NOL4L: variants seen among roughly 807,000 people sequenced by gnomAD.
The protein encoded by NOL4L is nucleolar protein 4-like.
NOL4L carries 7 observed loss-of-function variants against 64.5 expected under a neutral mutation model. That is an observed-to-expected ratio of 0.11 (90% CI 0.06 to 0.20). The LOEUF is 0.20. Ranked by LOEUF, NOL4L falls within the 10% of genes least tolerant of loss-of-function variation. NOL4L has a pLI of 1.00. For synonymous variants in NOL4L, 413 were observed against 401.0 expected (o/e 1.03, Z -0.36); for missense variants, 680 against 967.1 (o/e 0.70, Z 3.94).
chr20:32,488,833 T>C lies in NOL4L; in HGVS notation c.700-14091A>G, dbSNP rs868419279. Among the ~76,000 whole-genome samples, 186 of 63,568 alleles carry C rather than the reference T, an allele frequency of 2.9e-3. 8 individuals carry two copies. Among genetic ancestry groups the C allele is most frequent in the African/African-American group, 7.0e-3 (63 of 8,986 alleles). 41.7% of individuals were successfully genotyped at this position (63,568 alleles called of 152,430 possible). A position where few individuals can be genotyped will look rare whatever the true frequency, so the allele number is the denominator to read the frequency against. On this transcript the variant is annotated intron_variant, in intron 4 of 10. Coordinates refer to ENST00000621426, the MANE Select transcript of NOL4L (RefSeq NM_001256798.2). ...TCTTTCTTTCTTTCTTTCTTTTTCT[T>C]TCTTTCTTTCTTTCTTTCTTTCTTT...
At position 32,474,671 on chromosome 20, in the gene NOL4L, C is replaced by T. The variant is rs1393901310; in HGVS notation, c.771G>A (p.Leu257=). Reference sequence around the variant, plus strand: ...CCTGGCTGGGGCTCAGGCTGGAGGCCAGGTGCGGGTCAGCTGACATCCATG... The same window carrying T: ...CCTGGCTGGGGCTCAGGCTGGAGGCTAGGTGCGGGTCAGCTGACATCCATG... The part of the protein sequence containing the change: ...DSTWMSADPH[L]ASSLSPSQDE... The change falls in exon 5 of 11, where the codon CTG becomes CTA. Residue 257 remains leucine (L), a synonymous_variant. Transcript: ENST00000621426. 1.9e-6 allele frequency: 3 copies of T among 1,613,860 alleles called. No individual in the cohort carries two copies. Among genetic ancestry groups the T allele is most frequent in the Non-Finnish European group, 2.5e-6 (3 of 1,179,998 alleles).
In NOL4L at chr20:32,446,875, T is replaced by C. The variant is rs930660767; in HGVS notation, c.*721A>G. The C allele has an allele frequency of 1.3e-5, 3 of 230,920 alleles. No individual in the cohort carries two copies. The highest frequency in any genetic ancestry group is 1.6e-4 in the East Asian group (1 of 6,266). The allele number at this position is 230,920 out of a possible 1,614,324, so 14.3% of individuals were successfully genotyped here. On this transcript the variant is annotated 3_prime_UTR_variant, in exon 11 of 11. Coordinates refer to ENST00000621426, the MANE Select transcript of NOL4L (RefSeq NM_001256798.2). ...GTGCCTCTTTTGTTTTGCTTTGCCATGGGTGTGGGTGAGGTCCTCCTGCTT... is the reference window on the plus strand; with the variant it reads ...GTGCCTCTTTTGTTTTGCTTTGCCACGGGTGTGGGTGAGGTCCTCCTGCTT...
intron 4 of NOL4L, among the ~76,000 whole-genome samples, chr20:32,506,623 T>G (rs917290534): frequency 6.6e-6 from 1 of 152,032 alleles, no homozygotes; most frequent in African/African-American, 2.4e-5. Flanking sequence ...ATCGCGCCAT[T>G]GCACTCCAGC....
At chr20:32,466,108 C>T (rs2014527296) in intron 5 of NOL4L, among the ~76,000 whole-genome samples, 1 of 151,784 alleles carries the variant, frequency 6.6e-6, no homozygotes, top group African/African-American at 2.4e-5. Flanking sequence ...GCTGGGATTA[C>T]AGGTGCCCAT....
intron 1 of NOL4L, among the ~76,000 whole-genome samples, chr20:32,544,752 G>T (rs1040630057): frequency 6.6e-6 from 1 of 152,166 alleles, no homozygotes; most frequent in East Asian, 1.9e-4. Context: ...CAATGGCAGA[G>T]ATAGATCCCA....
rs189648610 is a variant in NOL4L at position 32,550,063 on chromosome 20, G to T, written c.322-22150C>A. On this transcript the variant is annotated intron_variant, in intron 1 of 10. Transcript: ENST00000621426. ...TAACATGTGGTATGTCCATTCAATG[G>T]AATATTATCAGCAATAAAAAGGAAT... Among the ~76,000 whole-genome samples, 656 of 152,288 alleles carry T rather than the reference G, an allele frequency of 4.3e-3. 7 individuals carry two copies. Among genetic ancestry groups the T allele is most frequent in the African/African-American group, 0.015 (620 of 41,554 alleles).
At chr20:32,557,361 A>G (rs546150480) in intron 1 of NOL4L, among the ~76,000 whole-genome samples, 3 of 152,340 alleles carry the variant, frequency 2.0e-5, no homozygotes, top group Admixed American at 6.5e-5. Context: ...AACTTTCTCA[A>G]CATCTCCTTG....
In NOL4L at chr20:32,453,041, C is replaced by T. The variant is rs754485404; in HGVS notation, c.1498-35G>A. On this transcript the variant is annotated intron_variant, in intron 8 of 10. Transcript: ENST00000621426. This position sits in a 1 kb window ranked among gnomAD's most constrained non-coding sequence, Gnocchi z 5.6. ...GAACGGGGATGGAGCTAGCATGGGGCCCGTGGGGGCCCTGGGCTTGTGCAG... is the reference window on the plus strand; with the variant it reads ...GAACGGGGATGGAGCTAGCATGGGGTCCGTGGGGGCCCTGGGCTTGTGCAG... 4.3e-6 allele frequency: 7 copies of T among 1,609,384 alleles called. No individual in the cohort carries two copies. The highest frequency in any genetic ancestry group is 5.9e-6 in the Non-Finnish European group (7 of 1,179,512).
intron 1 of NOL4L, among the ~76,000 whole-genome samples, chr20:32,543,489 G>A (rs1325589663): frequency 6.6e-6 from 1 of 152,058 alleles, no homozygotes; most frequent in Non-Finnish European, 1.5e-5. Flanking sequence ...TGTGGTTGTG[G>A]GCACCTGTAA....
chr20:32,584,170 C>CA (rs1980731726), intron 1 of NOL4L, among the ~76,000 whole-genome samples: 1 of 145,608 alleles, frequency 6.9e-6, no homozygotes, highest in African/African-American at 2.6e-5. Flanking sequence ...CACACACACA[C>CA]CGCCCAGCCG....
chr20:32,467,237 C>T (rs1262296522), intron 5 of NOL4L, among the ~76,000 whole-genome samples: 2 of 152,136 alleles, frequency 1.3e-5, no homozygotes, highest in African/African-American at 4.8e-5. Flanking sequence ...CTCCTCGCTG[C>T]CTGCTTAGCT....
intron 1 of NOL4L, among the ~76,000 whole-genome samples, chr20:32,580,934 A>C (rs945884893): frequency 3.3e-5 from 5 of 152,216 alleles, no homozygotes. Flanking sequence ...GGAAAAGGAA[A>C]GGGGTTGTTT....
chr20:32,450,721 G>A (rs995620070), intron 10 of NOL4L, among the ~76,000 whole-genome samples: 2 of 152,150 alleles, frequency 1.3e-5, no homozygotes, highest in Admixed American at 6.5e-5. Flanking sequence ...CTGCTGCTAG[G>A]AGGGAGCAGG....
chr20:32,486,126 G>A (rs2016077558), intron 4 of NOL4L, among the ~76,000 whole-genome samples: 1 of 152,234 alleles, frequency 6.6e-6, no homozygotes, highest in South Asian at 2.1e-4. Flanking sequence ...AATGAGGTGA[G>A]TTTTCATGTG....
intron 1 of NOL4L, among the ~76,000 whole-genome samples, chr20:32,581,347 G>A (rs892882932): frequency 2.7e-5 from 4 of 148,934 alleles, no homozygotes; most frequent in South Asian, 2.3e-4. Flanking sequence ...CCCTGGGCCC[G>A]TCCGGACAGA....
Position 32,444,983 on chromosome 20 carries a change from AAATGGAATC to A in NOL4L, c.*2604_*2612del, listed in dbSNP as rs2012267810. 6.6e-6 allele frequency: 1 copy of A among 152,164 alleles called. No homozygotes were observed. The highest frequency in any genetic ancestry group is 6.5e-5 in the Admixed American group (1 of 15,272). The allele number at this position is 152,164 out of a possible 1,614,324, so 9.4% of individuals were successfully genotyped here. ...AACAAGTTCCCTGACTGAGCCAGCT[AAATGGAATC>A]CTGTTTCCATGCAGAAACTTGCTCC... is the stretch of plus-strand genomic sequence containing the variant. On this transcript the variant is annotated 3_prime_UTR_variant, in exon 11 of 11. Coordinates refer to ENST00000621426, the MANE Select transcript of NOL4L (RefSeq NM_001256798.2).
chr20:32,467,101 G>A (rs2014620044), intron 5 of NOL4L, among the ~76,000 whole-genome samples: 1 of 152,186 alleles, frequency 6.6e-6, no homozygotes, highest in Non-Finnish European at 1.5e-5. Flanking sequence ...TCAGCCTTAT[G>A]GCTTCCTGCC....
chr20:32,542,787 A>G (rs2018676307), intron 1 of NOL4L, among the ~76,000 whole-genome samples: 1 of 152,332 alleles, frequency 6.6e-6, no homozygotes, highest in African/African-American at 2.4e-5. Flanking sequence ...AGTGCCTGGC[A>G]TGTGGAAGGT....
rs1555797122 is a variant in NOL4L at position 32,490,144 on chromosome 20, A to AT, written c.700-15403_700-15402insA. Among the ~76,000 whole-genome samples the AT allele has an allele frequency of 5.3e-4, 65 of 122,182 alleles. 1 individual carries two copies. The highest frequency in any genetic ancestry group is 4.5e-3 in the South Asian group (18 of 3,978). 80.2% of individuals were successfully genotyped at this position (122,182 alleles called of 152,430 possible). ...ACTCCATCTCAAAAAAAAAAAAAAAAATATATATACACATATATATATGTA... is the reference window on the plus strand; with the variant it reads ...ACTCCATCTCAAAAAAAAAAAAAAAATATATATATACACATATATATATGTA... On this transcript the variant is annotated intron_variant, in intron 4 of 10. Coordinates refer to ENST00000621426, the MANE Select transcript of NOL4L (RefSeq NM_001256798.2).
Sources: allele counts gnomAD v4.1 joint callset (sites outside exome capture counted in the v4.1 genomes callset), GRCh38; gene constraint gnomAD v4.1.1; non-coding constraint Gnocchi (gnomAD v3.1); transcripts MANE v1.5; gene names NCBI Gene and HGNC (gene_info 2026-07-23, HGNC 2026-07-21).